CCNK: variants seen among roughly 807,000 people sequenced by gnomAD.
The protein encoded by CCNK is cyclin-K.
In CCNK, 9 loss-of-function variants were observed where a neutral mutation model predicts 65.0. That is an observed-to-expected ratio of 0.14 (90% CI 0.08 to 0.24). The LOEUF (loss-of-function observed/expected upper bound fraction) is 0.24. CCNK is among the 10% of genes least tolerant of loss of function. CCNK has a pLI of 1.00. For missense variants in CCNK, 474 were observed against 720.0 expected (o/e 0.66, Z 3.91); for synonymous variants, 279 against 270.8 (o/e 1.03, Z -0.30).
intron 6 of CCNK, 33 bp downstream of exon 6, chr14:99,501,446 A>AT (rs766288269): frequency 3.7e-5 from 50 of 1,366,596 alleles, no homozygotes; most frequent in Non-Finnish European, 5.1e-5. Flanking sequence ...TAATTACAGT[A>AT]TTTTAAAATA....
At chr14:99,500,521 G>T (rs539684383) in intron 4 of CCNK, 49 of 426,568 alleles carry the variant, frequency 1.1e-4, no homozygotes, top group Non-Finnish European at 1.7e-5. Flanking sequence ...TATTTTTAAG[G>T]ATCTTTTGTT....
At chr14:99,504,207 G>C (rs941735076) in intron 9 of CCNK, 10 of 217,262 alleles carry the variant, frequency 4.6e-5, no homozygotes, top group Non-Finnish European at 8.9e-5. Context: ...CAGAAAGTTA[G>C]AAATGTTTTG....
chr14:99,504,420 T>C (rs1035871765), intron 9 of CCNK: 3 of 152,312 alleles, frequency 2.0e-5, no homozygotes, highest in African/African-American at 7.3e-5. Context: ...TTCCAGTATA[T>C]TTGAGGGAAT....
chr14:99,488,913 CTT>C (rs78061502), intron 1 of CCNK, among the ~76,000 whole-genome samples: 5 of 141,444 alleles, frequency 3.5e-5, no homozygotes, highest in Admixed American at 7.1e-5. Context: ...GCTCCTATGT[CTT>C]TTTTTTTTTT....
At chr14:99,493,340 A>G (rs1896633903) in intron 2 of CCNK, among the ~76,000 whole-genome samples, 174 bp from the exon 3 acceptor site, 1 of 152,152 alleles carries the variant, frequency 6.6e-6, no homozygotes, top group African/African-American at 2.4e-5. Context: ...TCAGCTTGCT[A>G]ATTCTTGTAC....
intron 9 of CCNK, chr14:99,506,229 G>A (rs1418570514): frequency 6.6e-6 from 1 of 152,288 alleles, no homozygotes; most frequent in African/African-American, 2.4e-5. Context: ...CAGAGAAAGA[G>A]GCCAGTGATG....
At position 99,501,345 on chromosome 14, in the gene CCNK, C is replaced by T; in HGVS notation, c.518-11C>T. On this transcript the variant is annotated splice_polypyrimidine_tract_variant and intron_variant, in intron 5 of 10. Coordinates refer to ENST00000389879, the MANE Select transcript of CCNK (RefSeq NM_001099402.2). Reference sequence around the variant, plus strand: ...ATTGCTATTAATTTACCTTTTTGTCCCCATTTCTAGGTGATAAAAACAAAA... The same window carrying T: ...ATTGCTATTAATTTACCTTTTTGTCTCCATTTCTAGGTGATAAAAACAAAA... 2 of 1,580,130 alleles carry T rather than the reference C, an allele frequency of 1.3e-6. No homozygotes were observed. Among genetic ancestry groups the T allele is most frequent in the Non-Finnish European group, 1.7e-6 (2 of 1,151,760 alleles).
At chr14:99,507,643 C>A (rs1040960258) in intron 10 of CCNK, 1 of 157,326 alleles carries the variant, frequency 6.4e-6, no homozygotes, top group Admixed American at 6.1e-5. Flanking sequence ...CCTCTCACAT[C>A]CAGAAATGCT....
intron 10 of CCNK, 76 bp downstream of exon 10, chr14:99,507,223 T>C: frequency 1.1e-6 from 1 of 903,118 alleles, no homozygotes; most frequent in East Asian, 2.4e-5. Flanking sequence ...TCCTGGGAAC[T>C]TAGAAAAGGG....
At chr14:99,482,596 T>C (rs1157636115) in intron 1 of CCNK, among the ~76,000 whole-genome samples, 5 of 152,238 alleles carry the variant, frequency 3.3e-5, no homozygotes, top group Non-Finnish European at 5.9e-5. Context: ...AGGGTTTTTT[T>C]CCCTCTTTTA....
intron 1 of CCNK, among the ~76,000 whole-genome samples, chr14:99,486,361 G>C (rs995340551): frequency 6.6e-6 from 1 of 152,092 alleles, no homozygotes. Flanking sequence ...GCAAACGCTC[G>C]CCTTTGGTGA....
intron 8 of CCNK, 55 bp downstream of exon 8, chr14:99,503,039 A>G: frequency 6.4e-7 from 1 of 1,574,462 alleles, no homozygotes; most frequent in Non-Finnish European, 8.7e-7. Flanking sequence ...TGGCGGCAAC[A>G]CCTGAGCACT....
chr14:99,507,205 G>T, intron 10 of CCNK, 58 bp downstream of exon 10: 1 of 1,015,002 alleles, frequency 9.9e-7, no homozygotes, highest in South Asian at 1.3e-5. Flanking sequence ...AATGTTGGAC[G>T]CAGCAGGTCC....
Position 99,510,929 on chromosome 14 carries a change from C to A in CCNK, c.*147C>A. The A allele has an allele frequency of 1.5e-6, 1 of 667,802 alleles. No homozygotes were observed. Among genetic ancestry groups the A allele is most frequent in the Non-Finnish European group, 2.2e-6 (1 of 460,512 alleles). 41.4% of individuals were successfully genotyped at this position (667,802 alleles called of 1,614,324 possible). A position where few individuals can be genotyped will look rare whatever the true frequency, so the allele number is the denominator to read the frequency against. On this transcript the variant is annotated 3_prime_UTR_variant, in exon 11 of 11. Coordinates refer to ENST00000389879, the MANE Select transcript of CCNK (RefSeq NM_001099402.2). ...ATGGACCGGGCCCCTGGGATAAAAT[C>A]AGAGTGGTCCTCACACCTAGAGGAC...
At position 99,502,962 on chromosome 14, in the gene CCNK, C is replaced by T; in HGVS notation, c.989C>T (p.Pro330Leu). 1 of 1,613,968 alleles carries T rather than the reference C, an allele frequency of 6.2e-7. No individual in the cohort carries two copies. ...AAACCCTCTCCGCAGCCCAGTTCTC[C>T]CCGACAGGTTAAGCGAGCCGTGGTG... The part of the protein sequence containing the change: ...PKKPSPQPSS[P>L]RQVKRAVVVS... The change falls in exon 8 of 11, where the codon CCC (proline) becomes CTC (leucine). Residue 330 changes from proline (P) to leucine (L), a missense_variant. Pro to Leu is a moderately conservative substitution (Grantham distance 98, BLOSUM62 -3). This residue lies in a region of CCNK where 229 missense variants were observed against 275.5 expected (regional missense o/e 0.83). Coordinates refer to ENST00000389879, the MANE Select transcript of CCNK (RefSeq NM_001099402.2).
At chr14:99,503,436 A>G (rs1896891160) in intron 8 of CCNK, 175 bp from the exon 9 acceptor site, 2 of 613,896 alleles carry the variant, frequency 3.3e-6, no homozygotes, top group Non-Finnish European at 5.8e-6. Flanking sequence ...GGGAGCAGAA[A>G]TGATGATCTG....
At chr14:99,509,941 A>C (rs764195572) in intron 10 of CCNK, 14 of 596,756 alleles carry the variant, frequency 2.3e-5, no homozygotes, top group African/African-American at 5.6e-5. Context: ...GGAAAACCCC[A>C]GGTCGTCGCA....
intron 10 of CCNK, chr14:99,509,556 C>G (rs903622799): frequency 6.4e-6 from 1 of 156,002 alleles, no homozygotes; most frequent in East Asian, 1.9e-4. Context: ...CACGCACACG[C>G]ACACACATGC....
At chr14:99,504,099 T>TG (rs1896911989) in intron 9 of CCNK, 1 of 381,474 alleles carries the variant, frequency 2.6e-6, no homozygotes, top group Non-Finnish European at 5.2e-6. Flanking sequence ...GAAACACACT[T>TG]GGGTTGAGGT....
Sources: gnomAD v4.1 joint callset for allele counts (sites outside exome capture counted in the v4.1 genomes callset) on GRCh38, gnomAD v4.1.1 for gene constraint, gnomAD v4.1.1 regional missense constraint, MANE v1.5 for transcripts, NCBI Gene and HGNC (gene_info 2026-07-23, HGNC 2026-07-21) for gene names.